Variants in ADGRL2 observed in about 807,000 individuals in gnomAD.
ADGRL2 encodes adhesion G protein-coupled receptor L2.
ADGRL2 carries 44 observed loss-of-function variants against 157.4 expected under a neutral mutation model. That is an observed-to-expected ratio of 0.28 (90% CI 0.22 to 0.36). The LOEUF (loss-of-function observed/expected upper bound fraction) is 0.36, where lower values mean the gene tolerates loss of function less well. Ranked by LOEUF, ADGRL2 falls within the 10% of genes least tolerant of loss-of-function variation. The probability of loss-of-function intolerance (pLI) is 1.00; values close to 1 mark genes in which losing one functional copy is unlikely to be tolerated. For synonymous variants in ADGRL2, 585 were observed against 624.7 expected (o/e 0.94, Z 0.95); for missense variants, 1,510 against 1,768.9 (o/e 0.85, Z 2.63).
At chr1:81,582,077 A>T (rs1384472419) in intron 3 of ADGRL2, among the ~76,000 whole-genome samples, 1 of 151,926 alleles carries the variant, frequency 6.6e-6, no homozygotes, top group East Asian at 1.9e-4. Flanking sequence ...AAAATTAGCC[A>T]GGCGTGGTGG....
chr1:81,742,210 G>T (rs959179832), intron 1 of ADGRL2, among the ~76,000 whole-genome samples: 1 of 151,444 alleles, frequency 6.6e-6, no homozygotes, highest in African/African-American at 2.4e-5. Context: ...TAGTTCGTTG[G>T]GCATAAAAGG....
At position 81,504,488 on chromosome 1, in the gene ADGRL2, C is replaced by CT. The variant is rs200190016; in HGVS notation, c.-248+59409dup. On this transcript the variant is annotated intron_variant, in intron 2 of 24. Transcript: ENST00000370721. ...ATCTTTTTTATATGTGTTTTGCTGA[C>CT]TTTTTTTTTTATTTTAAAATTTTTA... is the stretch of plus-strand genomic sequence containing the variant. 2.5e-3 allele frequency among the ~76,000 whole-genome samples: 380 copies of CT among 149,784 alleles called. 3 individuals carry two copies. Among genetic ancestry groups the CT allele is most frequent in the African/African-American group, 8.3e-3 (338 of 40,948 alleles).
At chr1:81,904,675 G>A (rs957758175) in intron 2 of ADGRL2, among the ~76,000 whole-genome samples, 5 of 152,172 alleles carry the variant, frequency 3.3e-5, no homozygotes, top group Non-Finnish European at 7.4e-5. Context: ...TTTGGGAAGC[G>A]GAGGTGGGCG....
intron 3 of ADGRL2, among the ~76,000 whole-genome samples, chr1:81,686,774 G>A (rs2083236251): frequency 1.3e-5 from 2 of 152,066 alleles, no homozygotes; most frequent in Non-Finnish European, 2.9e-5. Flanking sequence ...GGCATTCAGA[G>A]CTATGAACTT....
chr1:81,424,716 T>G (rs1488954011), intron 1 of ADGRL2, among the ~76,000 whole-genome samples: 1 of 152,214 alleles, frequency 6.6e-6, no homozygotes, highest in African/African-American at 2.4e-5. Flanking sequence ...AGTCACACTC[T>G]CCTGACTTTT....
intron 9 of ADGRL2, among the ~76,000 whole-genome samples, 163 bp downstream of exon 9, chr1:81,952,305 G>T (rs2149089248): frequency 6.6e-6 from 1 of 152,202 alleles, no homozygotes; most frequent in South Asian, 2.1e-4. Flanking sequence ...GTTGAGAAAA[G>T]AGCAATGTGC....
At position 81,752,750 on chromosome 1, in the gene ADGRL2, A is replaced by G. The variant is rs775846240; in HGVS notation, c.-142-9061A>G. ...GATACAGCCATTCGCCACTGTGCCCAGTTGGTTTTCTGTTTTCTTTTGTCT... is the reference window on the plus strand; with the variant it reads ...GATACAGCCATTCGCCACTGTGCCCGGTTGGTTTTCTGTTTTCTTTTGTCT... On this transcript the variant is annotated intron_variant, in intron 1 of 20. Coordinates refer to the ADGRL2 transcript ENST00000359929. Among the ~76,000 whole-genome samples the G allele has an allele frequency of 4.9e-4, 74 of 152,140 alleles. 1 individual carries two copies. The highest frequency in any genetic ancestry group is 8.4e-4 in the Non-Finnish European group (57 of 68,020).
intron 3 of ADGRL2, among the ~76,000 whole-genome samples, chr1:81,674,531 A>C (rs995416356): frequency 6.6e-6 from 1 of 152,188 alleles, no homozygotes; most frequent in Non-Finnish European, 1.5e-5. Flanking sequence ...ATTTGCGCCC[A>C]AGCAAAAGGG....
intron 3 of ADGRL2, among the ~76,000 whole-genome samples, chr1:81,928,630 T>C (rs932282338): frequency 3.3e-4 from 51 of 152,274 alleles, no homozygotes; most frequent in African/African-American, 1.1e-3. Context: ...TACTTAGTTA[T>C]TGAGGCTCAA....
chr1:81,725,649 G>A (rs2133109), intron 1 of ADGRL2, among the ~76,000 whole-genome samples: 116,784 of 152,104 alleles, frequency 0.77, 45,256 homozygotes, highest in African/African-American at 0.82. Context: ...GTTTAACTCA[G>A]GAACAGTTTC....
intron 1 of ADGRL2, among the ~76,000 whole-genome samples, chr1:81,380,330 C>T (rs1420124388): frequency 1.3e-5 from 2 of 152,104 alleles, no homozygotes; most frequent in African/African-American, 2.4e-5. Context: ...CCTTATTAAA[C>T]GTAGAATGGG....
At chr1:81,909,876 A>C (rs1024662033) in intron 3 of ADGRL2, among the ~76,000 whole-genome samples, 1 of 152,034 alleles carries the variant, frequency 6.6e-6, no homozygotes, top group Non-Finnish European at 1.5e-5. Flanking sequence ...TAATTGTTTG[A>C]TTGTTGGAGG....
intron 1 of ADGRL2, among the ~76,000 whole-genome samples, chr1:81,724,611 A>G (rs1314028532): frequency 6.6e-6 from 1 of 152,182 alleles, no homozygotes; most frequent in African/African-American, 2.4e-5. Flanking sequence ...TTTAAATAAG[A>G]CTATGTATAG....
At chr1:81,795,365 G>T (rs2087536211) in intron 2 of ADGRL2, among the ~76,000 whole-genome samples, 1 of 152,028 alleles carries the variant, frequency 6.6e-6, no homozygotes, top group African/African-American at 2.4e-5. Flanking sequence ...AAGCTGGAGT[G>T]AGACACTGTC....
chr1:81,587,980 G>A (rs2081060831), intron 3 of ADGRL2, among the ~76,000 whole-genome samples: 1 of 152,168 alleles, frequency 6.6e-6, no homozygotes, highest in Middle Eastern at 3.2e-3. Flanking sequence ...TAGAAGATGG[G>A]TGCTTAAGTC....
At chr1:81,981,692 A>G (rs751068039) in intron 18 of ADGRL2, 116 bp from the exon 19 acceptor site, 3 of 813,422 alleles carry the variant, frequency 3.7e-6, no homozygotes, top group Non-Finnish European at 5.9e-6. Flanking sequence ...AATGCTGTTG[A>G]ATATGAATGT....
At chr1:81,665,196 T>C (rs2082729374) in intron 3 of ADGRL2, among the ~76,000 whole-genome samples, 1 of 152,014 alleles carries the variant, frequency 6.6e-6, no homozygotes, top group African/African-American at 2.4e-5. Context: ...ATTAGTAGAG[T>C]TTGCCAAGTA....
chr1:81,950,161 G>C, intron 6 of ADGRL2, 28 bp from the exon 7 acceptor site: 1 of 1,599,488 alleles, frequency 6.3e-7, no homozygotes, highest in Non-Finnish European at 8.6e-7. Context: ...GTGTGTTTGA[G>C]ATTAATATAC....
chr1:81,776,123 C>A (rs996598820), intron 2 of ADGRL2, among the ~76,000 whole-genome samples: 3 of 151,968 alleles, frequency 2.0e-5, no homozygotes, highest in African/African-American at 7.3e-5. Flanking sequence ...ATGATATTAC[C>A]TCTGAAAAAT....
Sources: allele counts gnomAD v4.1 joint callset (sites outside exome capture counted in the v4.1 genomes callset), GRCh38; gene constraint gnomAD v4.1.1; transcripts MANE v1.5; gene names NCBI Gene and HGNC (gene_info 2026-07-23, HGNC 2026-07-21).